Variants in DHX36 observed in about 807,000 individuals in gnomAD.
DHX36 encodes ATP-dependent DNA/RNA helicase DHX36.
DHX36 carries 50 observed loss-of-function variants against 139.0 expected under a neutral mutation model. That is an observed-to-expected ratio of 0.36 (90% CI 0.29 to 0.46). DHX36 has a LOEUF of 0.46. Among genes scored for constraint, DHX36 ranks in the 20% least tolerant of loss-of-function variants. The pLI is 1.00. For missense variants in DHX36, 1,024 were observed against 1,211.3 expected, an observed-to-expected ratio of 0.85 and a Z score of 2.29; for synonymous variants, 425 against 401.9, an observed-to-expected ratio of 1.06 and a Z score of -0.69.
At chr3:154,284,527 T>C in intron 19 of DHX36, 56 bp downstream of exon 19, 1 of 1,397,012 alleles carries the variant, frequency 7.2e-7, no homozygotes, top group Non-Finnish European at 9.9e-7. Context: ...TATTCTATTA[T>C]TAGCATTTCA....
intron 12 of DHX36, among the ~76,000 whole-genome samples, chr3:154,296,142 G>A (rs1041308223): frequency 3.3e-5 from 5 of 152,114 alleles, no homozygotes; most frequent in Admixed American, 3.3e-4. Flanking sequence ...AAATACCCAT[G>A]TCCTAGTTAG....
Position 154,315,083 on chromosome 3 carries a change from T to C in DHX36, c.566A>G (p.Gln189Arg). Residue 189 changes from glutamine (Q) to arginine (R), a missense_variant, in exon 3 of 25, where the codon CAA (glutamine) becomes CGA (arginine). Coordinates refer to ENST00000496811, the MANE Select transcript of DHX36 (RefSeq NM_020865.3). ...ATACCGAAGGTCATTTTTTTTCTTT[T>C]GTAAATCTTCCAATAATTTTTGGTC... is the stretch of plus-strand genomic sequence containing the variant. ...TLDQKLLEDLQKKKNDLRYIE... is the reference protein window; with the variant it reads ...TLDQKLLEDLRKKKNDLRYIE... 6.2e-7 allele frequency: 1 copy of C among 1,610,088 alleles called. No individual in the cohort carries two copies. The highest frequency in any genetic ancestry group is 8.5e-7 in the Non-Finnish European group (1 of 1,178,742).
intron 15 of DHX36, among the ~76,000 whole-genome samples, chr3:154,290,965 T>G (rs1348665254): frequency 6.7e-6 from 1 of 150,030 alleles, no homozygotes; most frequent in Non-Finnish European, 1.5e-5. Context: ...AAACCCCGTC[T>G]CTACTAAAAA....
intron 12 of DHX36, among the ~76,000 whole-genome samples, chr3:154,299,166 T>C (rs1466614618): frequency 6.6e-6 from 1 of 151,492 alleles, no homozygotes. Context: ...CCAGCTACTC[T>C]GGAGACTGAG....
At chr3:154,277,860 TCA>T in intron 22 of DHX36, 142 bp from the exon 23 acceptor site, 1 of 761,428 alleles carries the variant, frequency 1.3e-6, no homozygotes, top group East Asian at 3.0e-5. Flanking sequence ...AGAGAATAAT[TCA>T]GTTTATTTTT....
Position 154,280,843 on chromosome 3 carries a change from C to A in DHX36, c.2396G>T (p.Gly799Val), listed in dbSNP as rs530250010. ...NTLQMLHNMK[G>V]QFAEHLLGAG... The stretch of plus-strand genomic sequence containing the variant: ...TCCAAGAAGATGCTCAGCAAACTGT[C>A]CTTTCATGTTATGCAGCATCTAGGG... The change falls in exon 21 of 25, where the codon GGA becomes GTA. Residue 799 changes from glycine to valine, a missense_variant. Around this residue, in one of 4 missense-constraint regions of DHX36, gnomAD observed 470 missense variants for 616.2 expected, o/e 0.76. Coordinates refer to ENST00000496811, the MANE Select transcript of DHX36 (RefSeq NM_020865.3). 47 of 1,613,334 alleles carry A rather than the reference C, an allele frequency of 2.9e-5. No homozygotes were observed. Among genetic ancestry groups the A allele is most frequent in the Non-Finnish European group, 3.6e-5 (43 of 1,179,730 alleles).
At chr3:154,316,302 C>A in intron 1 of DHX36, 139 bp from the exon 2 acceptor site, 1 of 1,053,268 alleles carries the variant, frequency 9.5e-7, no homozygotes, top group South Asian at 1.5e-5. Flanking sequence ...CAGGTGTCCT[C>A]TAGCCCAATA....
chr3:154,291,408 A>AC (rs1222473088), intron 15 of DHX36, among the ~76,000 whole-genome samples: 2 of 152,196 alleles, frequency 1.3e-5, no homozygotes, highest in Non-Finnish European at 2.9e-5. Context: ...GGTGTGCCAA[A>AC]ACCTGTTCAC....
chr3:154,292,785 A>C (rs1711878107), intron 14 of DHX36, 91 bp from the exon 15 acceptor site: 4 of 1,500,414 alleles, frequency 2.7e-6, no homozygotes, highest in Non-Finnish European at 3.5e-6. Flanking sequence ...TAACCTATAA[A>C]AGACCAATAA....
chr3:154,323,551 A>G (rs1279219831), intron 1 of DHX36, among the ~76,000 whole-genome samples: 2 of 152,222 alleles, frequency 1.3e-5, no homozygotes, highest in Non-Finnish European at 2.9e-5. Flanking sequence ...AATCACCTGA[A>G]GAGAGGAGAG....
intron 22 of DHX36, 142 bp downstream of exon 22, chr3:154,280,437 T>C: frequency 1.6e-6 from 1 of 632,558 alleles, no homozygotes; most frequent in Non-Finnish European, 2.7e-6. Context: ...ACAGTTCACC[T>C]TCTCTGAAAT....
chr3:154,278,012 G>A (rs113264813), intron 22 of DHX36: 283 of 216,018 alleles, frequency 1.3e-3, no homozygotes, highest in African/African-American at 6.0e-3. Context: ...TTAGAAAAAT[G>A]GCAGAATATT....
At position 154,280,743 on chromosome 3, in the gene DHX36, C is replaced by A. The variant is rs1719309526; in HGVS notation, c.2476+20G>T. On this transcript the variant is annotated intron_variant, in intron 21 of 24. Transcript: ENST00000496811. ...ACAATAGACAAAAGATACTTATTTA[C>A]ACTGTGTTTCCTGCTGTACCTGAAT... is the stretch of plus-strand genomic sequence containing the variant. 6.2e-7 allele frequency: 1 copy of A among 1,608,516 alleles called. No homozygotes were observed. The highest frequency in any genetic ancestry group is 1.3e-5 in the African/African-American group (1 of 74,898).
intron 11 of DHX36, 117 bp from the exon 12 acceptor site, chr3:154,300,042 T>C (rs1712204131): frequency 1.5e-6 from 1 of 686,740 alleles, no homozygotes; most frequent in Non-Finnish European, 2.5e-6. Flanking sequence ...ATAATTTTCG[T>C]TAATAATTAA....
intron 23 of DHX36, among the ~76,000 whole-genome samples, chr3:154,277,104 T>C (rs1429247493): frequency 6.6e-6 from 1 of 152,216 alleles, no homozygotes; most frequent in African/African-American, 2.4e-5. Flanking sequence ...TAATATTTTT[T>C]AGTTTAAACT....
chr3:154,303,413 A>T lies in DHX36; in HGVS notation c.1136-3T>A. On this transcript the variant is annotated splice_region_variant and splice_polypyrimidine_tract_variant and intron_variant, in intron 8 of 24. Transcript: ENST00000496811. ...TATATGTATCATTGGACAGTTACCT[A>T]TTACGGCAGACAAAATATAAGCATA... is the stretch of plus-strand genomic sequence containing the variant. The T allele has an allele frequency of 6.3e-7, 1 of 1,586,670 alleles. No individual in the cohort carries two copies. Among genetic ancestry groups the T allele is most frequent in the East Asian group, 2.2e-5 (1 of 44,494 alleles).
Position 154,276,290 on chromosome 3 carries a change from T to C in DHX36, c.2908A>G (p.Asn970Asp), listed in dbSNP as rs377213039. The change falls in exon 25 of 25, where the codon AAT becomes GAT. Residue 970 changes from asparagine (N) to aspartate (D), a missense_variant. Coordinates refer to ENST00000496811, the MANE Select transcript of DHX36 (RefSeq NM_020865.3). ...KIESPHPVDWNDTKSRDCAVL... is the reference protein window; with the variant it reads ...KIESPHPVDWDDTKSRDCAVL... The stretch of plus-strand genomic sequence containing the variant: ...GCACAGTCTCTGGATTTAGTGTCAT[T>C]CCAGTCTACAGGATGAGGACTTTCA... 23 of 1,613,784 alleles carry C rather than the reference T, an allele frequency of 1.4e-5. No homozygotes were observed. The highest frequency in any genetic ancestry group is 1.8e-5 in the Non-Finnish European group (21 of 1,179,962).
chr3:154,297,970 G>T (rs1011469775), intron 12 of DHX36, among the ~76,000 whole-genome samples: 1 of 152,076 alleles, frequency 6.6e-6, no homozygotes. Flanking sequence ...TCAGCACAGA[G>T]TTAGGCCAAT....
intron 11 of DHX36, among the ~76,000 whole-genome samples, 191 bp downstream of exon 11, chr3:154,300,403 A>G (rs1712221397): frequency 6.6e-6 from 1 of 152,208 alleles, no homozygotes; most frequent in Admixed American, 6.5e-5. Flanking sequence ...TATAATCCAT[A>G]TATTTGTTTA....
Sources: gnomAD v4.1 joint callset for allele counts (sites outside exome capture counted in the v4.1 genomes callset) on GRCh38, gnomAD v4.1.1 for gene constraint, gnomAD v4.1.1 regional missense constraint, MANE v1.5 for transcripts, NCBI Gene and HGNC (gene_info 2026-07-23, HGNC 2026-07-21) for gene names.